The following BRCA1 variants were observed in gnomAD, a reference collection of about 807,000 sequenced individuals.
BRCA1 encodes breast cancer type 1 susceptibility protein.
A neutral mutation model predicts 173.7 loss-of-function variants in BRCA1; 140 were observed. That is an observed-to-expected ratio of 0.81 (90% CI 0.70 to 0.93). The LOEUF is 0.93. Among genes scored for constraint, BRCA1 ranks in the 40% least tolerant of loss-of-function variants. The probability of loss-of-function intolerance (pLI) is 0.00; values close to 1 mark genes in which losing one functional copy is unlikely to be tolerated. For synonymous variants in BRCA1, 662 were observed against 756.0 expected (o/e 0.88, Z 2.04); for missense variants, 1,983 against 2,172.5 (o/e 0.91, Z 1.73).
chr17:43,072,249 C>T lies in BRCA1; in HGVS notation c.4676-1011G>A, dbSNP rs183687995. Reference sequence around the variant, plus strand: ...CTAAAAATACAAAAAATTAGCCGGGCGTGGTGGTGCATGCCTGTAATCCCA... The same window carrying T: ...CTAAAAATACAAAAAATTAGCCGGGTGTGGTGGTGCATGCCTGTAATCCCA... On this transcript the variant is annotated intron_variant, in intron 14 of 22. Coordinates refer to ENST00000357654, the MANE Select transcript of BRCA1 (RefSeq NM_007294.4). Among the ~76,000 whole-genome samples, 340 of 151,498 alleles carry T rather than the reference C, an allele frequency of 2.2e-3. 7 individuals are homozygous for T. Among genetic ancestry groups the T allele is most frequent in the African/African-American group, 7.2e-3 (298 of 41,200 alleles).
At chr17:43,055,711 G>T (rs1259019914) in intron 19 of BRCA1, among the ~76,000 whole-genome samples, 2 of 152,184 alleles carry the variant, frequency 1.3e-5, no homozygotes, top group African/African-American at 4.8e-5. Flanking sequence ...ACTTGAACCT[G>T]GGAGCTGGAG....
chr17:43,083,162 T>TTTTC lies in BRCA1; in HGVS notation c.4186-591_4186-588dup, dbSNP rs527906133. Among the ~76,000 whole-genome samples, 1,696 of 151,906 alleles carry TTTTC rather than the reference T, an allele frequency of 0.011. 41 individuals are homozygous for TTTTC. The highest frequency in any genetic ancestry group is 0.039 in the African/African-American group (1,631 of 41,360). ...TGGGATTCTTTGAACCTTTAGTTTC[T>TTTTC]TTTCTTTCTTTCTTTCTTTTTTTTT... On this transcript the variant is annotated intron_variant, in intron 11 of 22. Transcript: ENST00000357654.
At chr17:43,135,267 G>A (rs771681267) in intron 1 of BRCA1, among the ~76,000 whole-genome samples, 19 of 151,834 alleles carry the variant, frequency 1.3e-4, no homozygotes, top group Non-Finnish European at 2.2e-4. Context: ...TGGCCGATCC[G>A]CAGGCCTGCA....
intron 3 of BRCA1, among the ~76,000 whole-genome samples, chr17:43,108,799 C>G (rs948368965): frequency 6.6e-6 from 1 of 151,204 alleles, no homozygotes. Context: ...TCAAGACCAG[C>G]CTGACCAACA....
In BRCA1 at chr17:43,050,979, C is replaced by T; in HGVS notation, c.5332+84G>A. 1 of 1,344,594 alleles carries T rather than the reference C, an allele frequency of 7.4e-7. No homozygotes were observed. Among genetic ancestry groups the T allele is most frequent in the Non-Finnish European group, 1.1e-6 (1 of 937,502 alleles). The allele number at this position is 1,344,594 out of a possible 1,614,324, so 83.3% of individuals were successfully genotyped here. On this transcript the variant is annotated intron_variant, in intron 20 of 22. Coordinates refer to ENST00000357654, the MANE Select transcript of BRCA1 (RefSeq NM_007294.4). ...GAACATTTCAGCAATCTGAGGAACC[C>T]CCATCGTGGGATCTTGCTTATAATA...
chr17:43,162,645 T>A (rs1341115494), intron 1 of BRCA1: 1 of 152,200 alleles, frequency 6.6e-6, no homozygotes, highest in Non-Finnish European at 1.5e-5. Flanking sequence ...TGACTTGATG[T>A]ATACACTGGA....
At chr17:43,059,737 T>G (rs2051667181) in intron 18 of BRCA1, among the ~76,000 whole-genome samples, 1 of 152,124 alleles carries the variant, frequency 6.6e-6, no homozygotes, top group African/African-American at 2.4e-5. Context: ...AAACCAACCT[T>G]GTTTTTAACC....
intron 1 of BRCA1, among the ~76,000 whole-genome samples, chr17:43,136,248 C>A (rs2056022452): frequency 6.6e-6 from 1 of 152,182 alleles, no homozygotes. Context: ...AAAACTGAAA[C>A]TGGACCCCTT....
At position 43,092,096 on chromosome 17, in the gene BRCA1, A is replaced by G. The variant is rs786201222; in HGVS notation, c.3435T>C (p.Val1145=). Residue 1145 remains valine (V), a synonymous_variant, in exon 10 of 23, where the codon GTT becomes GTC. Transcript: ENST00000357654. ...ACAGGTCATCAGGTGTCTCAGAACA[A>G]ACCTGAGATGCATGACTACTTCCCA... ...QPMGSSHASQ[V]CSETPDDLLD... 7 of 1,614,016 alleles carry G rather than the reference A, an allele frequency of 4.3e-6. No individual in the cohort carries two copies. Among genetic ancestry groups the G allele is most frequent in the South Asian group, 1.1e-5 (1 of 91,078 alleles).
At position 43,045,684 on chromosome 17, in the gene BRCA1, G is replaced by A. The variant is rs774127304; in HGVS notation, c.5586C>T (p.His1862=). 53 of 1,613,678 alleles carry A rather than the reference G, an allele frequency of 3.3e-5. No homozygotes were observed. Among genetic ancestry groups the A allele is most frequent in the Non-Finnish European group, 4.3e-5 (51 of 1,179,756 alleles). ...TACCTGTGGCTGGCTGCAGTCAGTA[G>A]TGGCTGTGGGGGATCTGGGGTATCA... ...TYLIPQIPHS[H]Y Residue 1862 remains histidine (H), a synonymous_variant, in exon 23 of 23, where the codon CAC becomes CAT. Coordinates refer to ENST00000357654, the MANE Select transcript of BRCA1 (RefSeq NM_007294.4).
rs431825402 is a variant in BRCA1 at position 43,091,617 on chromosome 17, T to A, written c.3914A>T (p.Asp1305Val). 1.2e-6 allele frequency: 2 copies of A among 1,614,228 alleles called. No individual in the cohort carries two copies. The highest frequency in any genetic ancestry group is 1.7e-6 in the Non-Finnish European group (2 of 1,180,044). Residue 1305 changes from aspartate to valine, a missense_variant, in exon 10 of 23, where the codon GAC (aspartate) becomes GTC (valine). Transcript: ENST00000357654. ...LFSSQCSELE[D>V]LTANTNTQDP... Reference sequence around the variant, plus strand: ...CTGGGTGTTTGTATTTGCAGTCAAGTCTTCCAATTCACTGCACTGTGAAGA... The same window carrying A: ...CTGGGTGTTTGTATTTGCAGTCAAGACTTCCAATTCACTGCACTGTGAAGA...
chr17:43,054,661 G>C (rs2051384719), intron 19 of BRCA1, among the ~76,000 whole-genome samples: 1 of 151,914 alleles, frequency 6.6e-6, no homozygotes. Context: ...GGCTAGTCTT[G>C]AACTCCTGGG....
chr17:43,074,304 G>A (rs751058529), intron 14 of BRCA1, 27 bp downstream of exon 14: 1 of 1,612,056 alleles, frequency 6.2e-7, no homozygotes, highest in Non-Finnish European at 8.5e-7. Flanking sequence ...CAAAGTGTTT[G>A]TTCCAATACA....
upstream of BRCA1, among the ~76,000 whole-genome samples, chr17:43,130,210 C>T (rs1329367989): frequency 6.6e-6 from 1 of 152,098 alleles, no homozygotes; most frequent in Non-Finnish European, 1.5e-5. Context: ...GAGACAGGGT[C>T]CGGCTTTGTT....
At position 43,093,211 on chromosome 17, in the gene BRCA1, C is replaced by T. The variant is rs1555589917; in HGVS notation, c.2320G>A (p.Gly774Ser). Residue 774 changes from glycine (G) to serine (S), a missense_variant, in exon 10 of 23, where the codon GGT becomes AGT. Transcript: ENST00000357654. Reference sequence around the variant, plus strand: ...CTTTCCTGAGTGCCATAATCAGTACCAGGTACCAATGAAATACTGCTACTC... The same window carrying T: ...CTTTCCTGAGTGCCATAATCAGTACTAGGTACCAATGAAATACTGCTACTC... ...VESSSISLVP[G>S]TDYGTQESIS... 1 of 1,613,970 alleles carries T rather than the reference C, an allele frequency of 6.2e-7. No individual in the cohort carries two copies. Among genetic ancestry groups the T allele is most frequent in the Non-Finnish European group, 8.5e-7 (1 of 1,179,980 alleles).
At chr17:43,142,974 A>C (rs199850758) in intron 1 of BRCA1, among the ~76,000 whole-genome samples, 1 of 72,306 alleles carries the variant, frequency 1.4e-5, no homozygotes, top group Admixed American at 1.5e-4. Context: ...GTGTATATAT[A>C]TGTGTGTATA....
intron 3 of BRCA1, among the ~76,000 whole-genome samples, chr17:43,108,472 G>A (rs2054888619): frequency 6.6e-6 from 1 of 151,714 alleles, no homozygotes; most frequent in Admixed American, 6.6e-5. Context: ...GGAGGCTGAG[G>A]CAGGCAGATC....
intron 16 of BRCA1, among the ~76,000 whole-genome samples, chr17:43,065,051 C>T (rs1049256600): frequency 5.3e-5 from 8 of 151,972 alleles, no homozygotes; most frequent in African/African-American, 1.5e-4. Context: ...AGGATGGTCT[C>T]GATCTCCTGA....
rs1555575328 is a variant in BRCA1, at chr17:43,049,466, A to G, written c.5333-272T>C. 4.6e-5 allele frequency among the ~76,000 whole-genome samples: 7 copies of G among 152,228 alleles called. No individual in the cohort carries two copies. In the South Asian group the frequency reaches 1.4e-3, roughly 32 times the overall value. On this transcript the variant is annotated intron_variant, in intron 20 of 22. Transcript: ENST00000357654. ...TCTCAAATAAAATGCTTGAAAGAAA[A>G]AAAAATCAAAGATCTAATTTCCATT...
Sources: gnomAD v4.1 joint callset for allele counts (sites outside exome capture counted in the v4.1 genomes callset) on GRCh38, gnomAD v4.1.1 for gene constraint, MANE v1.5 for transcripts, NCBI Gene and HGNC (gene_info 2026-07-23, HGNC 2026-07-21) for gene names.